The following OSBPL9 variants were observed in gnomAD, a reference collection of about 807,000 sequenced individuals.
OSBPL9 encodes oxysterol binding protein like 9.
Under a neutral mutation model 106.6 loss-of-function variants are expected in OSBPL9, and 40 were observed. The observed-to-expected ratio is 0.38, with a 90% CI of 0.29 to 0.49. OSBPL9 has a LOEUF of 0.49. Ranked by LOEUF, OSBPL9 falls within the 20% of genes least tolerant of loss-of-function variation. OSBPL9 has a pLI of 0.97. For missense variants in OSBPL9, 609 were observed against 887.2 expected (o/e 0.69, Z 3.98); for synonymous variants, 269 against 295.4 (o/e 0.91, Z 0.92).
intron 3 of OSBPL9, among the ~76,000 whole-genome samples, chr1:51,690,124 G>A (rs1423837075): frequency 2.0e-5 from 3 of 152,114 alleles, no homozygotes; most frequent in African/African-American, 7.2e-5. Flanking sequence ...AAGAAATAAT[G>A]ACCTAAGATT....
At chr1:51,738,385 T>G (rs1008275042) in intron 4 of OSBPL9, among the ~76,000 whole-genome samples, 2 of 152,094 alleles carry the variant, frequency 1.3e-5, no homozygotes, top group Non-Finnish European at 2.9e-5. Context: ...CACATAAACC[T>G]TTCTTTGTAA....
At chr1:51,759,662 CT>C (rs1671087542) in intron 9 of OSBPL9, 1 of 152,134 alleles carries the variant, frequency 6.6e-6, no homozygotes. Context: ...GTGGCAAAGA[CT>C]TTGGTTTAAC....
chr1:51,740,201 C>G, intron 4 of OSBPL9: 1 of 1,537,654 alleles, frequency 6.5e-7, no homozygotes, highest in Non-Finnish European at 8.7e-7. Context: ...CTTGAATTTT[C>G]AAAAATAATT....
Position 51,729,845 on chromosome 1 carries a change from G to A in OSBPL9, c.319-15691G>A, listed in dbSNP as rs1663927940. 3 of 1,246,094 alleles carry A rather than the reference G, an allele frequency of 2.4e-6. No homozygotes were observed. Among genetic ancestry groups the A allele is most frequent in the Admixed American group, 4.2e-5 (1 of 23,698 alleles). The allele number at this position is 1,246,094 out of a possible 1,614,324, so 77.2% of individuals were successfully genotyped here. A position where few individuals can be genotyped will look rare whatever the true frequency, so the allele number is the denominator to read the frequency against. Reference sequence around the variant, plus strand: ...GGGTGAAGGGGGTGTCCCGGGGGACGGGCTGAACCTCAGTCAGGACCGCCT... The same window carrying A: ...GGGTGAAGGGGGTGTCCCGGGGGACAGGCTGAACCTCAGTCAGGACCGCCT... On this transcript the variant is annotated intron_variant, in intron 4 of 23. Transcript: ENST00000428468. This position sits in a 1 kb window ranked among gnomAD's most constrained non-coding sequence, Gnocchi z 5.1.
At chr1:51,580,077 C>T (rs1427677387) in intron 1 of OSBPL9, among the ~76,000 whole-genome samples, 1 of 152,108 alleles carries the variant, frequency 6.6e-6, no homozygotes, top group Non-Finnish European at 1.5e-5. Flanking sequence ...TACATCCCTG[C>T]TTACCTGACT....
chr1:51,676,855 C>T (rs1389717573), intron 3 of OSBPL9, among the ~76,000 whole-genome samples: 5 of 152,140 alleles, frequency 3.3e-5, no homozygotes, highest in Non-Finnish European at 7.3e-5. Context: ...TGTTCCATTA[C>T]TTCGTAGAAA....
At chr1:51,595,453 G>T (rs1211888840) in intron 1 of OSBPL9, among the ~76,000 whole-genome samples, 1 of 152,118 alleles carries the variant, frequency 6.6e-6, no homozygotes, top group Non-Finnish European at 1.5e-5. Context: ...TAACAGAAAT[G>T]CAGGGCCTGA....
chr1:51,593,423 T>C (rs1389588391), intron 1 of OSBPL9, among the ~76,000 whole-genome samples: 1 of 152,118 alleles, frequency 6.6e-6, no homozygotes, highest in Non-Finnish European at 1.5e-5. Flanking sequence ...TCAGGCTCCC[T>C]AACCCCCTTG....
At chr1:51,700,938 A>G (rs1326113683) in intron 3 of OSBPL9, among the ~76,000 whole-genome samples, 1 of 150,980 alleles carries the variant, frequency 6.6e-6, no homozygotes, top group Admixed American at 6.6e-5. Flanking sequence ...ACACTTATTC[A>G]TTGTAATTTT....
chr1:51,574,777 A>G (rs1403419655), upstream of OSBPL9, among the ~76,000 whole-genome samples: 1 of 152,198 alleles, frequency 6.6e-6, no homozygotes, highest in African/African-American at 2.4e-5. Context: ...GTTTAGTAAA[A>G]TAATAAAATC....
intron 12 of OSBPL9, 101 bp from the exon 13 acceptor site, chr1:51,771,969 A>T (rs1674004225): frequency 1.3e-6 from 1 of 754,872 alleles, no homozygotes; most frequent in African/African-American, 1.8e-5. Context: ...ATTCTAAAGC[A>T]TATATATGCA....
chr1:51,655,903 T>C (rs111483550), intron 2 of OSBPL9, among the ~76,000 whole-genome samples: 1 of 152,258 alleles, frequency 6.6e-6, no homozygotes, highest in African/African-American at 2.4e-5. Context: ...TGTCCCTCTG[T>C]GTGCACACAC....
At chr1:51,664,013 G>A (rs554367902) in intron 2 of OSBPL9, among the ~76,000 whole-genome samples, 28 of 152,292 alleles carry the variant, frequency 1.8e-4, no homozygotes, top group African/African-American at 6.3e-4. Context: ...TGAAACTGTC[G>A]TATACCACTG....
the OSBPL9 span, among the ~76,000 whole-genome samples, chr1:51,550,800 C>A: frequency 1.3e-5 from 2 of 152,172 alleles, no homozygotes; most frequent in Non-Finnish European, 2.9e-5. Flanking sequence ...AGGCAAGAGC[C>A]ACTGTGCCTG....
intron 3 of OSBPL9, among the ~76,000 whole-genome samples, chr1:51,678,323 T>C (rs1177940132): frequency 6.6e-6 from 1 of 152,234 alleles, no homozygotes; most frequent in Non-Finnish European, 1.5e-5. Flanking sequence ...GTAGAAGTTA[T>C]CTATGGTTGG....
intron 1 of OSBPL9, among the ~76,000 whole-genome samples, chr1:51,646,353 A>C (rs1646152271): frequency 6.6e-6 from 1 of 152,180 alleles, no homozygotes; most frequent in African/African-American, 2.4e-5. Flanking sequence ...ATTTATTAAT[A>C]AGTATTTTAC....
chr1:51,633,888 G>A (rs1474248990), intron 1 of OSBPL9, among the ~76,000 whole-genome samples: 153 of 152,300 alleles, frequency 1.0e-3, no homozygotes. Context: ...GCCTCCCAAA[G>A]TGCTGGGATT....
chr1:51,702,820 A>G (rs1026906257), intron 3 of OSBPL9, among the ~76,000 whole-genome samples: 2 of 152,148 alleles, frequency 1.3e-5, no homozygotes, highest in Non-Finnish European at 1.5e-5. Flanking sequence ...TAATTTTTGT[A>G]TAAGGTGTAA....
At chr1:51,750,643 T>C (rs990150902) in intron 8 of OSBPL9, among the ~76,000 whole-genome samples, 6 of 152,232 alleles carry the variant, frequency 3.9e-5, no homozygotes, top group Admixed American at 3.9e-4. Flanking sequence ...TCTTCCTTAT[T>C]CATGAAACAA....
Sources: allele counts gnomAD v4.1 joint callset (sites outside exome capture counted in the v4.1 genomes callset), GRCh38; gene constraint gnomAD v4.1.1; non-coding constraint Gnocchi (gnomAD v3.1); transcripts MANE v1.5; gene names NCBI Gene and HGNC (gene_info 2026-07-23, HGNC 2026-07-21).